AGTR1: variants seen among roughly 807,000 people sequenced by gnomAD.
The protein encoded by AGTR1 is angiotensin II receptor type 1.
A neutral mutation model predicts 19.4 loss-of-function variants in AGTR1; 16 were observed. The observed-to-expected ratio is 0.82, with a 90% confidence interval of 0.56 to 1.25. The LOEUF (loss-of-function observed/expected upper bound fraction) is 1.25. Among genes scored for constraint, AGTR1 ranks in the 50% most tolerant of loss-of-function variants. The pLI is 0.00. For missense variants in AGTR1, 373 were observed against 431.9 expected, an observed-to-expected ratio of 0.86 and a Z score of 1.21; for synonymous variants, 153 against 154.9, an observed-to-expected ratio of 0.99 and a Z score of 0.09.
intron 2 of AGTR1, among the ~76,000 whole-genome samples, chr3:148,737,598 G>A (rs1714638693): frequency 2.0e-5 from 3 of 152,152 alleles, no homozygotes; most frequent in Admixed American, 2.0e-4. Context: ...ACCCACACAT[G>A]GTAGGTGTTC....
At chr3:148,709,994 T>C (rs1453276225) in intron 2 of AGTR1, among the ~76,000 whole-genome samples, 1 of 152,188 alleles carries the variant, frequency 6.6e-6, no homozygotes, top group Non-Finnish European at 1.5e-5. Flanking sequence ...CATTTAAATA[T>C]AAACGTATTA....
intron 2 of AGTR1, among the ~76,000 whole-genome samples, chr3:148,721,006 T>C (rs1642973846): frequency 6.6e-6 from 1 of 152,208 alleles, no homozygotes; most frequent in African/African-American, 2.4e-5. Context: ...GGTATAGCTT[T>C]GGCAAAACAT....
At position 148,708,409 on chromosome 3, in the gene AGTR1, C is replaced by T. The variant is rs149434639; in HGVS notation, c.-48+382C>T. On this transcript the variant is annotated intron_variant, in intron 2 of 2. Coordinates refer to ENST00000349243, the MANE Select transcript of AGTR1 (RefSeq NM_000685.5). ...ACTCTCTTGTCAGCTACTTCCTGGG[C>T]GATTTGGGTTCTTTGATACCCCAGT... 3.3e-5 allele frequency among the ~76,000 whole-genome samples: 5 copies of T among 152,114 alleles called. No homozygotes were observed. The East Asian group carries it at 7.7e-4, about 24-fold the overall frequency.
chr3:148,734,634 G>T (rs139102145), intron 2 of AGTR1, among the ~76,000 whole-genome samples: 89 of 152,258 alleles, frequency 5.8e-4, no homozygotes, highest in African/African-American at 2.0e-3. Flanking sequence ...AGAAATAGCA[G>T]GGGTGAACAA....
intron 2 of AGTR1, chr3:148,740,077 G>A (rs1714786138): frequency 2.1e-6 from 2 of 974,120 alleles, no homozygotes; most frequent in Non-Finnish European, 2.7e-6. Context: ...TGTTGATTAT[G>A]TAGAAAATCA....
chr3:148,698,873 C>T (rs995792200), intron 1 of AGTR1, among the ~76,000 whole-genome samples: 1 of 152,194 alleles, frequency 6.6e-6, no homozygotes, highest in Non-Finnish European at 1.5e-5. Flanking sequence ...GCCCGACACC[C>T]AACTCCATCC....
At chr3:148,739,709 C>A in intron 2 of AGTR1, 1 of 1,143,614 alleles carries the variant, frequency 8.7e-7, no homozygotes, top group Non-Finnish European at 1.1e-6. Context: ...GAACACTACT[C>A]TAAGAACATG....
At chr3:148,732,892 C>T (rs538744795) in intron 2 of AGTR1, among the ~76,000 whole-genome samples, 1 of 150,822 alleles carries the variant, frequency 6.6e-6, no homozygotes, top group Admixed American at 6.6e-5. Flanking sequence ...AGGCGCCCGC[C>T]ACTACGCCCG....
intron 1 of AGTR1, among the ~76,000 whole-genome samples, chr3:148,704,481 T>A (rs1712556120): frequency 6.6e-6 from 1 of 152,206 alleles, no homozygotes; most frequent in African/African-American, 2.4e-5. Context: ...CTCCCTTGGA[T>A]TGGACAAGTT....
intron 2 of AGTR1, chr3:148,739,981 C>A (rs172103): frequency 8.1e-7 from 1 of 1,231,574 alleles, no homozygotes; most frequent in Non-Finnish European, 1.0e-6. Flanking sequence ...ACTGAACCTT[C>A]AGCCTCCTTC....
At chr3:148,711,943 C>T (rs1381090724) in intron 2 of AGTR1, among the ~76,000 whole-genome samples, 1 of 151,872 alleles carries the variant, frequency 6.6e-6, no homozygotes, top group African/African-American at 2.4e-5. Context: ...GTAGAGATGT[C>T]GTCTTGCTAC....
At position 148,742,353 on chromosome 3, in the gene AGTR1, A is replaced by G. The variant is rs2107976922; in HGVS notation, c.*238A>G. 3 of 633,954 alleles carry G rather than the reference A, an allele frequency of 4.7e-6. No homozygotes were observed. The highest frequency in any genetic ancestry group is 6.1e-5 in the East Asian group (2 of 32,896). 39.3% of individuals were successfully genotyped at this position (633,954 alleles called of 1,614,324 possible). ...ACAGATGACGGCTGCTCGAAGAACA[A>G]TGTCAGAAACTCGATGAATGTGTTG... On this transcript the variant is annotated 3_prime_UTR_variant, in exon 3 of 3. Coordinates refer to ENST00000349243, the MANE Select transcript of AGTR1 (RefSeq NM_000685.5).
At chr3:148,718,531 A>C (rs1040504669) in intron 2 of AGTR1, among the ~76,000 whole-genome samples, 26 of 152,268 alleles carry the variant, frequency 1.7e-4, no homozygotes, top group African/African-American at 6.0e-4. Flanking sequence ...CGCAGTGAAA[A>C]CCTGGGGTAT....
chr3:148,711,697 A>G (rs1207972100), intron 2 of AGTR1, among the ~76,000 whole-genome samples: 1 of 152,194 alleles, frequency 6.6e-6, no homozygotes. Context: ...ATAACTCTAT[A>G]GAAAATAATA....
chr3:148,733,864 C>T (rs923521210), intron 2 of AGTR1, among the ~76,000 whole-genome samples: 1 of 152,226 alleles, frequency 6.6e-6, no homozygotes, highest in African/African-American at 2.4e-5. Context: ...AGTCTCCTCT[C>T]TCCAGACACC....
At chr3:148,711,894 A>C (rs984241349) in intron 2 of AGTR1, among the ~76,000 whole-genome samples, 5 of 152,032 alleles carry the variant, frequency 3.3e-5, no homozygotes, top group African/African-American at 1.2e-4. Flanking sequence ...GACTACAGGC[A>C]CATGCACTAT....
rs756085408 is a variant in AGTR1, at chr3:148,741,356, C to T, written c.321C>T (p.Ser107=). The change falls in exon 3 of 3, where the codon AGC becomes AGT. Residue 107 remains serine (S), a synonymous_variant. Transcript: ENST00000349243. ...GNYLCKIASA[S]VSFNLYASVF... ...ACCTATGTAAGATTGCTTCAGCCAG[C>T]GTCAGTTTCAACCTGTACGCTAGTG... The T allele has an allele frequency of 6.9e-6, 11 of 1,605,714 alleles. No homozygotes were observed. The Admixed American group carries it at 1.3e-4, about 19-fold the overall frequency.
chr3:148,707,720 T>A (rs1178083033), intron 1 of AGTR1, among the ~76,000 whole-genome samples: 1 of 152,044 alleles, frequency 6.6e-6, no homozygotes, highest in Non-Finnish European at 1.5e-5. Flanking sequence ...ACAAGGGCAT[T>A]GGGGAAGATG....
intron 1 of AGTR1, among the ~76,000 whole-genome samples, chr3:148,705,207 G>A (rs111599135): frequency 0.015 from 2,285 of 152,186 alleles, 58 homozygotes; most frequent in African/African-American, 0.052. Flanking sequence ...AAATCTCATA[G>A]CATAGCATTT....
Sources: allele counts gnomAD v4.1 joint callset (sites outside exome capture counted in the v4.1 genomes callset), GRCh38; gene constraint gnomAD v4.1.1; transcripts MANE v1.5; gene names NCBI Gene and HGNC (gene_info 2026-07-23, HGNC 2026-07-21).